Variants in GALNT13 observed in about 807,000 individuals in gnomAD.
GALNT13 encodes polypeptide N-acetylgalactosaminyltransferase 13.
Under a neutral mutation model 64.2 loss-of-function variants are expected in GALNT13, and 28 were observed. That is an observed-to-expected ratio of 0.44 (90% CI 0.32 to 0.60). GALNT13 has a LOEUF of 0.60. Among genes scored for constraint, GALNT13 ranks in the 20% least tolerant of loss-of-function variants. The pLI is 0.05. For synonymous variants in GALNT13, 214 were observed against 224.6 expected (o/e 0.95, Z 0.42); for missense variants, 577 against 669.8 (o/e 0.86, Z 1.53).
At chr2:153,680,040 G>T in the GALNT13 span, among the ~76,000 whole-genome samples, 4 of 151,632 alleles carry the variant, frequency 2.6e-5, no homozygotes, top group African/African-American at 7.2e-5. Flanking sequence ...TCATATATTT[G>T]TCACTTGTCC....
At chr2:153,247,057 C>T in the GALNT13 span, among the ~76,000 whole-genome samples, 1 of 152,084 alleles carries the variant, frequency 6.6e-6, no homozygotes, top group African/African-American at 2.4e-5. Context: ...AAAAGCATTA[C>T]ATAATAGTAA....
intron 7 of GALNT13, chr2:154,257,700 G>C (rs894381968): frequency 6.6e-6 from 1 of 152,146 alleles, no homozygotes; most frequent in African/African-American, 2.4e-5. Context: ...GAGAGCACTG[G>C]GAGAAATAGA....
At chr2:153,759,837 A>T in the GALNT13 span, among the ~76,000 whole-genome samples, 8 of 152,150 alleles carry the variant, frequency 5.3e-5, no homozygotes, top group Non-Finnish European at 7.4e-5. Flanking sequence ...TAAAAAAAAA[A>T]TTGGAAATAC....
chr2:153,842,470 G>T, the GALNT13 span, among the ~76,000 whole-genome samples: 6 of 151,838 alleles, frequency 4.0e-5, no homozygotes, highest in African/African-American at 1.4e-4. Context: ...TAAGAGTAAG[G>T]GTGAACTAGA....
the GALNT13 span, among the ~76,000 whole-genome samples, chr2:153,140,043 T>A: frequency 0.084 from 12,799 of 152,006 alleles, 634 homozygotes; most frequent in Non-Finnish European, 0.11. Context: ...GGTGGAAAAG[T>A]GAGCAGAGAG....
At chr2:153,209,110 C>T in the GALNT13 span, among the ~76,000 whole-genome samples, 7 of 150,536 alleles carry the variant, frequency 4.7e-5, no homozygotes, top group South Asian at 6.3e-4. Flanking sequence ...CCAGAGTAGC[C>T]GGGACTACAG....
intron 2 of GALNT13, among the ~76,000 whole-genome samples, chr2:153,936,522 C>T (rs1208423274): frequency 6.6e-6 from 1 of 152,018 alleles, no homozygotes; most frequent in Non-Finnish European, 1.5e-5. Context: ...GAAACAGCAG[C>T]CCTGTAGCCT....
At chr2:153,460,020 A>G in the GALNT13 span, among the ~76,000 whole-genome samples, 1 of 152,146 alleles carries the variant, frequency 6.6e-6, no homozygotes, top group Non-Finnish European at 1.5e-5. Context: ...TTTATGGTAT[A>G]TGAGGATTTT....
At chr2:153,423,349 T>C in the GALNT13 span, 1 of 151,490 alleles carries the variant, frequency 6.6e-6, no homozygotes, top group Admixed American at 6.6e-5. Flanking sequence ...CAAATAGGAG[T>C]AAGGGACCCT....
chr2:154,390,116 G>A (rs1296757762), intron 9 of GALNT13, among the ~76,000 whole-genome samples: 1 of 152,168 alleles, frequency 6.6e-6, no homozygotes, highest in Non-Finnish European at 1.5e-5. Context: ...TGGGACAGTT[G>A]AGCCAGTGTC....
the GALNT13 span, among the ~76,000 whole-genome samples, chr2:153,188,316 A>G: frequency 6.7e-6 from 1 of 148,750 alleles, no homozygotes; most frequent in Non-Finnish European, 1.5e-5. Context: ...TGATGGAGTT[A>G]TCAGGTAGTC....
the GALNT13 span, among the ~76,000 whole-genome samples, chr2:153,849,625 C>T: frequency 6.6e-6 from 1 of 152,056 alleles, no homozygotes; most frequent in African/African-American, 2.4e-5. Flanking sequence ...AGGTGTCTCC[C>T]TGAGTTGAGG....
At chr2:153,094,414 C>T in the GALNT13 span, among the ~76,000 whole-genome samples, 1 of 152,304 alleles carries the variant, frequency 6.6e-6, no homozygotes, top group East Asian at 1.9e-4. Flanking sequence ...AAGAACATTC[C>T]ATGCTCATGG....
chr2:153,632,887 G>A, the GALNT13 span, among the ~76,000 whole-genome samples: 3 of 151,940 alleles, frequency 2.0e-5, no homozygotes, highest in African/African-American at 7.3e-5. Flanking sequence ...CAAGTAGCTG[G>A]GATTACAGGC....
At chr2:153,216,451 C>T in the GALNT13 span, among the ~76,000 whole-genome samples, 3 of 152,030 alleles carry the variant, frequency 2.0e-5, no homozygotes, top group African/African-American at 7.2e-5. Context: ...TCTAGTTGCT[C>T]TGCATCCTCA....
chr2:154,209,039 C>T (rs1687625741), intron 4 of GALNT13, among the ~76,000 whole-genome samples: 1 of 151,972 alleles, frequency 6.6e-6, no homozygotes, highest in South Asian at 2.1e-4. Context: ...TTCTAAACTG[C>T]CCTAATTCCA....
At chr2:153,371,759 C>A in the GALNT13 span, among the ~76,000 whole-genome samples, 1 of 152,142 alleles carries the variant, frequency 6.6e-6, no homozygotes, top group Non-Finnish European at 1.5e-5. Context: ...AAATCCCAAT[C>A]AAAATTCTAG....
chr2:154,037,150 T>C (rs1698707138), intron 3 of GALNT13, among the ~76,000 whole-genome samples: 1 of 152,156 alleles, frequency 6.6e-6, no homozygotes, highest in African/African-American at 2.4e-5. Flanking sequence ...ATAATGGTTT[T>C]GAATTAAGGT....
At chr2:153,733,278 C>T in the GALNT13 span, among the ~76,000 whole-genome samples, 4 of 152,138 alleles carry the variant, frequency 2.6e-5, no homozygotes, top group African/African-American at 9.7e-5. Flanking sequence ...CTTCATTTAT[C>T]ATGTGTCCAT....
Sources: allele counts gnomAD v4.1 joint callset (sites outside exome capture counted in the v4.1 genomes callset), GRCh38; gene constraint gnomAD v4.1.1; transcripts MANE v1.5; gene names NCBI Gene and HGNC (gene_info 2026-07-23, HGNC 2026-07-21).